The following LRFN5 variants were observed in gnomAD, a reference collection of about 807,000 sequenced individuals.
LRFN5 encodes leucine-rich repeat and fibronectin type-III domain-containing protein 5.
In LRFN5, 24 loss-of-function variants were observed where a neutral mutation model predicts 45.6. That is an observed-to-expected ratio of 0.53 (90% confidence interval 0.38 to 0.74). The LOEUF is 0.74. Ranked by LOEUF, LRFN5 falls within the 30% of genes least tolerant of loss-of-function variation. LRFN5 has a pLI of 0.00. For missense variants in LRFN5, 776 were observed against 861.5 expected (o/e 0.90, Z 1.24); for synonymous variants, 340 against 313.8 (o/e 1.08, Z -0.88).
intron 1 of LRFN5, among the ~76,000 whole-genome samples, chr14:41,671,936 T>C (rs923195469): frequency 6.6e-6 from 1 of 152,148 alleles, no homozygotes; most frequent in African/African-American, 2.4e-5. Flanking sequence ...AAATATTTCA[T>C]AGCCAAATCT....
chr14:41,704,411 TCTC>T (rs1882966206), intron 1 of LRFN5, among the ~76,000 whole-genome samples: 3 of 93,856 alleles, frequency 3.2e-5, no homozygotes, highest in Non-Finnish European at 6.1e-5. Context: ...TATACTTTTC[TCTC>T]TCTCTCTCTC....
At chr14:41,844,177 C>T (rs1888966675) in intron 2 of LRFN5, among the ~76,000 whole-genome samples, 1 of 152,126 alleles carries the variant, frequency 6.6e-6, no homozygotes, top group African/African-American at 2.4e-5. Flanking sequence ...GTGGCTCACG[C>T]CTGTAATCCT....
intron 1 of LRFN5, among the ~76,000 whole-genome samples, chr14:41,754,345 G>C (rs532470275): frequency 6.6e-6 from 1 of 152,240 alleles, no homozygotes; most frequent in African/African-American, 2.4e-5. Flanking sequence ...AATGGTACCA[G>C]CTCCTCCTTG....
At chr14:41,682,269 A>AATT (rs1555354153) in intron 1 of LRFN5, among the ~76,000 whole-genome samples, 1 of 148,856 alleles carries the variant, frequency 6.7e-6, no homozygotes, top group Non-Finnish European at 1.5e-5. Context: ...TAATAATAAT[A>AATT]ATTATGACAA....
chr14:41,898,965 G>C lies in LRFN5; in HGVS notation c.2142+5G>C. ...CAGATTGTCCAGGAAACACAGGTGA[G>C]ATTCTTATTACCTATAACTTACTTC... On this transcript the variant is annotated splice_donor_5th_base_variant and intron_variant, in intron 5 of 5. Coordinates refer to ENST00000298119, the MANE Select transcript of LRFN5 (RefSeq NM_152447.5). 1 of 1,608,092 alleles carries C rather than the reference G, an allele frequency of 6.2e-7. No homozygotes were observed. Among genetic ancestry groups the C allele is most frequent in the Non-Finnish European group, 8.5e-7 (1 of 1,176,394 alleles).
At chr14:41,752,912 G>A (rs953391261) in intron 1 of LRFN5, among the ~76,000 whole-genome samples, 1 of 152,190 alleles carries the variant, frequency 6.6e-6, no homozygotes, top group East Asian at 1.9e-4. Flanking sequence ...TAACATTTAA[G>A]TCTTTAATCC....
rs183420687 is a variant in LRFN5, at chr14:41,711,968, T to C, written c.-196-54886T>C. Among the ~76,000 whole-genome samples the C allele has an allele frequency of 5.3e-5, 8 of 152,252 alleles. No individual in the cohort carries two copies. In the East Asian group the frequency reaches 1.4e-3, roughly 26 times the overall value. ...TTGCCATGAGGATTAGGAAAAGAGCTAAATGACACTTCATTAAATGAAAAA... is the reference window on the plus strand; with the variant it reads ...TTGCCATGAGGATTAGGAAAAGAGCCAAATGACACTTCATTAAATGAAAAA... On this transcript the variant is annotated intron_variant, in intron 1 of 5. Coordinates refer to ENST00000298119, the MANE Select transcript of LRFN5 (RefSeq NM_152447.5).
chr14:41,613,437 A>G (rs1482521574), intron 1 of LRFN5, among the ~76,000 whole-genome samples: 1 of 152,068 alleles, frequency 6.6e-6, no homozygotes, highest in African/African-American at 2.4e-5. Flanking sequence ...TAAAATAAGA[A>G]AATATATCTT....
At chr14:41,851,224 C>A (rs1048869447) in intron 2 of LRFN5, among the ~76,000 whole-genome samples, 1 of 151,608 alleles carries the variant, frequency 6.6e-6, no homozygotes, top group Non-Finnish European at 1.5e-5. Context: ...AAAACACATG[C>A]TATGTATATT....
At chr14:41,809,417 A>T (rs915396947) in intron 2 of LRFN5, among the ~76,000 whole-genome samples, 14 of 151,962 alleles carry the variant, frequency 9.2e-5, no homozygotes, top group Non-Finnish European at 1.5e-4. Flanking sequence ...ACACTGAAAT[A>T]TTGAGAGGGT....
chr14:41,744,838 A>C (rs61992400), intron 1 of LRFN5, among the ~76,000 whole-genome samples: 25,226 of 152,164 alleles, frequency 0.17, 2,192 homozygotes, highest in Admixed American at 0.19. Flanking sequence ...AGTAATAGAG[A>C]AAGAAGACAA....
intron 2 of LRFN5, among the ~76,000 whole-genome samples, chr14:41,870,369 G>T (rs1274021154): frequency 2.6e-5 from 4 of 152,080 alleles, no homozygotes; most frequent in Admixed American, 2.6e-4. Flanking sequence ...TGCTAATAAA[G>T]ATATACTCCA....
At position 41,886,736 on chromosome 14, in the gene LRFN5, T is replaced by C; in HGVS notation, c.111T>C (p.Cys37=). The change falls in exon 3 of 6, where the codon TGT becomes TGC. Residue 37 remains cysteine, a synonymous_variant. Coordinates refer to ENST00000298119, the MANE Select transcript of LRFN5 (RefSeq NM_152447.5). The part of the protein sequence containing the change: ...QILSPNLATL[C]AKKGLLFVPP... ...TGTCTCCTAATCTTGCAACCCTTTG[T>C]GCCAAGAAAGGGCTTTTATTTGTTC... is the stretch of plus-strand genomic sequence containing the variant. 6.2e-7 allele frequency: 1 copy of C among 1,614,184 alleles called. No individual in the cohort carries two copies. Among genetic ancestry groups the C allele is most frequent in the Non-Finnish European group, 8.5e-7 (1 of 1,180,026 alleles).
At chr14:41,720,357 T>C (rs564605414) in intron 1 of LRFN5, among the ~76,000 whole-genome samples, 1 of 152,150 alleles carries the variant, frequency 6.6e-6, no homozygotes, top group African/African-American at 2.4e-5. Flanking sequence ...CCTAGGTTGA[T>C]TCCATGTCTT....
chr14:41,824,852 A>G (rs1268372514), intron 2 of LRFN5, among the ~76,000 whole-genome samples: 1 of 152,082 alleles, frequency 6.6e-6, no homozygotes, highest in Admixed American at 6.6e-5. Context: ...GGTGAAATGC[A>G]CTGTGGTCTC....
intron 2 of LRFN5, among the ~76,000 whole-genome samples, chr14:41,842,858 A>T (rs1039237527): frequency 3.3e-5 from 5 of 152,078 alleles, no homozygotes; most frequent in Non-Finnish European, 7.4e-5. Flanking sequence ...TGATTTCAAC[A>T]TTACCTAATG....
chr14:41,629,486 A>G (rs1384748230), intron 1 of LRFN5, among the ~76,000 whole-genome samples: 1 of 152,212 alleles, frequency 6.6e-6, no homozygotes, highest in Non-Finnish European at 1.5e-5. Context: ...CTTAGGTTAG[A>G]CAAATACCAT....
chr14:41,864,209 A>G (rs1037911060), intron 2 of LRFN5, among the ~76,000 whole-genome samples: 3 of 152,170 alleles, frequency 2.0e-5, no homozygotes, highest in African/African-American at 7.2e-5. Flanking sequence ...GCTGGGTCAC[A>G]TGGTATTTCT....
At chr14:41,894,097 TA>T (rs1226783854) in intron 4 of LRFN5, 1 of 983,680 alleles carries the variant, frequency 1.0e-6, no homozygotes, top group Admixed American at 6.2e-5. Context: ...AGCATAGTAT[TA>T]AAAATATTGA....
Sources: gnomAD v4.1 joint callset for allele counts (sites outside exome capture counted in the v4.1 genomes callset) on GRCh38, gnomAD v4.1.1 for gene constraint, MANE v1.5 for transcripts, NCBI Gene and HGNC (gene_info 2026-07-23, HGNC 2026-07-21) for gene names.